The following KRT1 variants were observed in gnomAD, a reference collection of about 807,000 sequenced individuals.
KRT1 encodes the protein keratin, type II cytoskeletal 1.
In KRT1, 28 loss-of-function variants were observed where a neutral mutation model predicts 51.6. That is an observed-to-expected ratio of 0.54 (90% CI 0.40 to 0.74). The LOEUF is 0.74. Among genes scored for constraint, KRT1 ranks in the 30% least tolerant of loss-of-function variants. The probability of loss-of-function intolerance (pLI) is 0.00; values close to 1 mark genes in which losing one functional copy is unlikely to be tolerated. For missense variants in KRT1, 783 were observed against 815.5 expected, an observed-to-expected ratio of 0.96 and a Z score of 0.49; for synonymous variants, 301 against 307.7, an observed-to-expected ratio of 0.98 and a Z score of 0.23.
Position 52,680,311 on chromosome 12 carries a change from C to T in KRT1, c.38G>A (p.Ser13Asn). 1.2e-6 allele frequency: 2 copies of T among 1,614,198 alleles called. No individual in the cohort carries two copies. Among genetic ancestry groups the T allele is most frequent in the Non-Finnish European group, 1.7e-6 (2 of 1,180,040 alleles). Residue 13 changes from serine to asparagine, a missense_variant, in exon 1 of 9, where the codon AGT becomes AAT. Physicochemically the swap from Ser to Asn is conservative, Grantham distance 46. Coordinates refer to ENST00000252244, the MANE Select transcript of KRT1 (RefSeq NM_006121.4). ...AGAGCCAGAGCTGAAGCCCCCTCCA[C>T]TTCGGTACCCAGACCTGGAACTAAA... ...RQFSSRSGYR[S>N]GGGFSSGSAG...
At position 52,677,152 on chromosome 12, in the gene KRT1, A is replaced by T; in HGVS notation, c.1161T>A (p.His387Gln). Residue 387 changes from histidine (H) to glutamine (Q), a missense_variant, in exon 6 of 9, where the codon CAT becomes CAA. Transcript: ENST00000252244. ...TCTTTGAATTTCTCACACTATCCCCATGTCTGCCAGCAGTGATCTGCAGCT... is the reference window on the plus strand; with the variant it reads ...TCTTTGAATTTCTCACACTATCCCCTTGTCTGCCAGCAGTGATCTGCAGCT... ...YEELQITAGR[H>Q]GDSVRNSKIE... The T allele has an allele frequency of 6.2e-7, 1 of 1,614,170 alleles. No homozygotes were observed. The highest frequency in any genetic ancestry group is 8.5e-7 in the Non-Finnish European group (1 of 1,180,044).
Position 52,680,394 on chromosome 12 carries a change from C to T in KRT1, c.-46G>A, listed in dbSNP as rs1941568798. 1.3e-6 allele frequency: 2 copies of T among 1,524,380 alleles called. No individual in the cohort carries two copies. The highest frequency in any genetic ancestry group is 2.2e-5 in the East Asian group (1 of 44,484). 94.4% of individuals were successfully genotyped at this position (1,524,380 alleles called of 1,614,324 possible). A position where few individuals can be genotyped will look rare whatever the true frequency, so the allele number is the denominator to read the frequency against. On this transcript the variant is annotated 5_prime_UTR_variant, in exon 1 of 9. Transcript: ENST00000252244. ...GAGCAAGGTAGAGTAAGGGAAGGAG[C>T]TAAACACTCCTCTACCCCAAGCATA...
At position 52,677,202 on chromosome 12, in the gene KRT1, C is replaced by T. The variant is rs1423704962; in HGVS notation, c.1129-18G>A. On this transcript the variant is annotated intron_variant, in intron 5 of 8. Coordinates refer to ENST00000252244, the MANE Select transcript of KRT1 (RefSeq NM_006121.4). ...TCTTCATACTAAAGATGGTAGATAG[C>T]GTTTGTTAAATGTAGGCAGAACTCA... is the stretch of plus-strand genomic sequence containing the variant. The T allele has an allele frequency of 7.4e-6, 12 of 1,614,048 alleles. No homozygotes were observed. The highest frequency in any genetic ancestry group is 1.7e-5 in the Admixed American group (1 of 60,002).
rs202088314 is a variant in KRT1, at chr12:52,676,239, T to A, written c.1475+36A>T. Reference sequence around the variant, plus strand: ...ATCAGCTTGCAAGGAAGGAAGACCATGAGAAGAGGTTCGACTCCCAGCGTC... The same window carrying A: ...ATCAGCTTGCAAGGAAGGAAGACCAAGAGAAGAGGTTCGACTCCCAGCGTC... On this transcript the variant is annotated intron_variant, in intron 7 of 8. Coordinates refer to ENST00000252244, the MANE Select transcript of KRT1 (RefSeq NM_006121.4). 2.6e-6 allele frequency: 4 copies of A among 1,525,094 alleles called. No individual in the cohort carries two copies. In the Admixed American group the frequency reaches 6.7e-5, roughly 26 times the overall value. 94.5% of individuals were successfully genotyped at this position (1,525,094 alleles called of 1,614,324 possible).
Position 52,677,123 on chromosome 12 carries a change from T to G in KRT1, c.1190A>C (p.Glu397Ala). 3.1e-6 allele frequency: 5 copies of G among 1,614,128 alleles called. No individual in the cohort carries two copies. Among genetic ancestry groups the G allele is most frequent in the Non-Finnish European group, 4.2e-6 (5 of 1,180,032 alleles). The part of the protein sequence containing the change: ...HGDSVRNSKI[E>A]ISELNRVIQR... ...GATCACACGATTCAGCTCAGAAATT[T>G]CTATCTTTGAATTTCTCACACTATC... is the stretch of plus-strand genomic sequence containing the variant. Residue 397 changes from glutamate (E) to alanine (A), a missense_variant, in exon 6 of 9, where the codon GAA (glutamate) becomes GCA (alanine). Coordinates refer to ENST00000252244, the MANE Select transcript of KRT1 (RefSeq NM_006121.4).
intron 1 of KRT1, among the ~76,000 whole-genome samples, chr12:52,679,063 C>T (rs1034828305): frequency 1.3e-5 from 2 of 152,042 alleles, no homozygotes; most frequent in African/African-American, 4.8e-5. Flanking sequence ...AGGTATATTA[C>T]CATAAAAACT....
rs192365492 is a variant in KRT1 at position 52,677,409 on chromosome 12, G to C, written c.1035C>G (p.Leu345=). 1 of 1,614,106 alleles carries C rather than the reference G, an allele frequency of 6.2e-7. No homozygotes were observed. Among genetic ancestry groups the C allele is most frequent in the Non-Finnish European group, 8.5e-7 (1 of 1,180,050 alleles). Residue 345 remains leucine, a synonymous_variant, in exon 5 of 9, where the codon CTC becomes CTG. Transcript: ENST00000252244. ...VILSMDNNRS[L]DLDSIIAEVK... The stretch of plus-strand genomic sequence containing the variant: ...CCTCAGCAATGATGCTGTCCAGGTC[G>C]AGACTGCGGTTGTTGTCCATAGAGA...
chr12:52,678,500 T>C (rs1467963841), intron 2 of KRT1, 42 bp downstream of exon 2: 1 of 1,596,178 alleles, frequency 6.3e-7, no homozygotes, highest in Non-Finnish European at 8.6e-7. Flanking sequence ...CTGGAACTCT[T>C]TTACAGCAAA....
intron 1 of KRT1, 37 bp from the exon 2 acceptor site, chr12:52,678,793 A>G (rs1313075471): frequency 1.3e-6 from 2 of 1,543,932 alleles, no homozygotes; most frequent in Non-Finnish European, 1.8e-6. Flanking sequence ...TGATGCATAA[A>G]TGGAGTCTCA....
chr12:52,677,793 T>C, intron 3 of KRT1, 48 bp from the exon 4 acceptor site: 2 of 1,492,762 alleles, frequency 1.3e-6, no homozygotes, highest in African/African-American at 1.4e-5. Context: ...CCAGGGCAGG[T>C]CCCTCTCATT....
intron 7 of KRT1, 79 bp downstream of exon 7, chr12:52,676,196 G>T: frequency 1.7e-6 from 2 of 1,175,682 alleles, no homozygotes; most frequent in Non-Finnish European, 1.3e-6. Context: ...CAATCAGATG[G>T]CTGCATCTTC....
In KRT1 at chr12:52,675,521, C is replaced by A; in HGVS notation, c.1607G>T (p.Gly536Val). 6.2e-7 allele frequency: 1 copy of A among 1,608,314 alleles called. No individual in the cohort carries two copies. Among genetic ancestry groups the A allele is most frequent in the Non-Finnish European group, 8.5e-7 (1 of 1,176,382 alleles). ...GCCACCTCCAGAACCATAGCTACCA[C>A]CTCCGGAGCCATAGCTGCTACCTCC... Reference protein sequence around the residue: ...GSGGSSYGSGGGSYGSGGGGG... With the variant: ...GSGGSSYGSGVGSYGSGGGGG... The change falls in exon 9 of 9, where the codon GGT (glycine) becomes GTT (valine). Residue 536 changes from glycine to valine, a missense_variant. Gly to Val is a moderately radical substitution (Grantham distance 109). Transcript: ENST00000252244.
chr12:52,678,808 C>A (rs1941545752), intron 1 of KRT1, 52 bp from the exon 2 acceptor site: 2 of 1,505,694 alleles, frequency 1.3e-6, no homozygotes, highest in Non-Finnish European at 1.8e-6. Flanking sequence ...GTCTCATAGC[C>A]ATGGAGAACT....
At chr12:52,677,799 T>A in intron 3 of KRT1, 54 bp from the exon 4 acceptor site, 3 of 1,431,414 alleles carry the variant, frequency 2.1e-6, no homozygotes, top group Non-Finnish European at 3.0e-6. Flanking sequence ...CAGGTCCCTC[T>A]CATTACCTGT....
rs765732197 is a variant in KRT1, at chr12:52,680,387, G to A, written c.-39C>T. The A allele has an allele frequency of 1.9e-6, 3 of 1,576,222 alleles. No homozygotes were observed. In the East Asian group the frequency reaches 6.7e-5, roughly 35 times the overall value. On this transcript the variant is annotated 5_prime_UTR_variant, in exon 1 of 9. Transcript: ENST00000252244. ...AAAGTAGGAGCAAGGTAGAGTAAGG[G>A]AAGGAGCTAAACACTCCTCTACCCC...
rs2741151 is a variant in KRT1, at chr12:52,680,070, A to G, written c.279T>C (p.Gly93=). The change falls in exon 1 of 9, where the codon GGT becomes GGC. Residue 93 remains glycine, a synonymous_variant. Transcript: ENST00000252244. ...GGGRGSGFGG[G]YGGGGFGGGG... ...CACCACCAAAGCCACCACCACCATAACCACCACCAAAGCCACTACCACGTC... is the reference window on the plus strand; with the variant it reads ...CACCACCAAAGCCACCACCACCATAGCCACCACCAAAGCCACTACCACGTC... 1.3e-6 allele frequency: 2 copies of G among 1,554,808 alleles called. No homozygotes were observed. The highest frequency in any genetic ancestry group is 1.7e-6 in the Non-Finnish European group (2 of 1,149,008).
Position 52,678,596 on chromosome 12 carries a change from C to T in KRT1, c.752G>A (p.Arg251Gln), listed in dbSNP as rs1278071837. Residue 251 changes from arginine (R) to glutamine (Q), a missense_variant, in exon 2 of 9, where the codon CGG becomes CAG. By Grantham distance (43) the Arg-to-Gln change is conservative (BLOSUM62 1). Transcript: ENST00000252244. ...RVDQLKSDQS[R>Q]LDSELKNMQD... ...CATGTTCTTCAGTTCCGAATCCAAC[C>T]GAGATTGATCACTCTTCAGTTGGTC... is the stretch of plus-strand genomic sequence containing the variant. 5.0e-6 allele frequency: 8 copies of T among 1,614,216 alleles called. No individual in the cohort carries two copies. The highest frequency in any genetic ancestry group is 2.2e-5 in the South Asian group (2 of 91,086).
chr12:52,678,876 G>A, intron 1 of KRT1, 120 bp from the exon 2 acceptor site: 4 of 893,866 alleles, frequency 4.5e-6, no homozygotes, highest in Non-Finnish European at 7.1e-6. Flanking sequence ...AGAGAAATAG[G>A]AAGAAGATGA....
chr12:52,679,935 T>A lies in KRT1; in HGVS notation c.414A>T (p.Gly138=), dbSNP rs1941561034. ...AGACAGGACCATAACCACCCCCATA[T>A]CCACCACCCCCAAAGCCACCTCCAC... is the stretch of plus-strand genomic sequence containing the variant. ...GFGGGGFGGG[G]YGGGYGPVCP... The change falls in exon 1 of 9, where the codon GGA becomes GGT. Residue 138 remains glycine (G), a synonymous_variant. Transcript: ENST00000252244. 1 of 1,612,234 alleles carries A rather than the reference T, an allele frequency of 6.2e-7. No individual in the cohort carries two copies.
Sources: gnomAD v4.1 joint callset for allele counts (sites outside exome capture counted in the v4.1 genomes callset) on GRCh38, gnomAD v4.1.1 for gene constraint, MANE v1.5 for transcripts, NCBI Gene and HGNC (gene_info 2026-07-23, HGNC 2026-07-21) for gene names.